Variants in PPP2R2B observed in about 807,000 individuals in gnomAD.
PPP2R2B encodes protein phosphatase 2 regulatory subunit Bbeta.
PPP2R2B carries 5 observed loss-of-function variants against 46.0 expected under a neutral mutation model. That is an observed-to-expected ratio of 0.11 (90% CI 0.06 to 0.23). PPP2R2B has a LOEUF of 0.23. PPP2R2B is among the 10% of genes least tolerant of loss of function. The pLI, the probability that PPP2R2B is intolerant of heterozygous loss-of-function variation, is 1.00. For missense variants in PPP2R2B, 367 were observed against 575.0 expected, an observed-to-expected ratio of 0.64 and a Z score of 3.70; for synonymous variants, 215 against 206.7, an observed-to-expected ratio of 1.04 and a Z score of -0.34.
chr5:146,653,617 G>A (rs1042450359), intron 5 of PPP2R2B, among the ~76,000 whole-genome samples: 2 of 152,100 alleles, frequency 1.3e-5, no homozygotes, highest in African/African-American at 2.4e-5. Flanking sequence ...CTCAGTTACC[G>A]TGCATTGTCT....
intron 2 of PPP2R2B, among the ~76,000 whole-genome samples, chr5:146,768,783 G>A (rs1481314372): frequency 6.6e-6 from 1 of 152,138 alleles, no homozygotes; most frequent in African/African-American, 2.4e-5. Context: ...CCTGTTCCTG[G>A]AGATTTGCTG....
chr5:147,019,069 T>C (rs992493292), intron 1 of PPP2R2B, among the ~76,000 whole-genome samples: 1 of 152,202 alleles, frequency 6.6e-6, no homozygotes, highest in Admixed American at 6.6e-5. Context: ...TATTTATGAC[T>C]ACCCGAAGTG....
intron 1 of PPP2R2B, among the ~76,000 whole-genome samples, chr5:146,975,489 G>A (rs1460847972): frequency 4.6e-5 from 7 of 152,088 alleles, no homozygotes; most frequent in Admixed American, 4.6e-4. Context: ...ATGTCTTTGA[G>A]ATCTTGCTTT....
At chr5:147,068,344 C>G (rs1043301230) in intron 2 of PPP2R2B, among the ~76,000 whole-genome samples, 31 of 152,132 alleles carry the variant, frequency 2.0e-4, no homozygotes, top group African/African-American at 5.5e-4. Context: ...CAAAGTGACA[C>G]AGAAAGTCGT....
chr5:146,722,262 T>C (rs910780897), intron 2 of PPP2R2B, among the ~76,000 whole-genome samples: 4 of 152,214 alleles, frequency 2.6e-5, no homozygotes, highest in South Asian at 2.1e-4. Context: ...TTACGCCATA[T>C]GCAGTGGATG....
At chr5:146,918,795 A>T (rs1440338973) in intron 1 of PPP2R2B, among the ~76,000 whole-genome samples, 1 of 152,138 alleles carries the variant, frequency 6.6e-6, no homozygotes, top group African/African-American at 2.4e-5. Context: ...TTAAGACCTT[A>T]CTATTTTTTT....
At chr5:146,752,660 T>G (rs1753626665) in intron 2 of PPP2R2B, among the ~76,000 whole-genome samples, 1 of 152,144 alleles carries the variant, frequency 6.6e-6, no homozygotes, top group Non-Finnish European at 1.5e-5. Context: ...CCCAGGTTTT[T>G]GGGGTGTGTG....
intron 2 of PPP2R2B, among the ~76,000 whole-genome samples, chr5:146,716,346 C>T (rs1780497608): frequency 6.6e-6 from 1 of 152,116 alleles, no homozygotes; most frequent in Non-Finnish European, 1.5e-5. Flanking sequence ...GTTCTATTTT[C>T]CTAACTGAAA....
chr5:146,925,614 GTGGA>G (rs1763757262), intron 1 of PPP2R2B, among the ~76,000 whole-genome samples: 2 of 152,156 alleles, frequency 1.3e-5, no homozygotes, highest in African/African-American at 4.8e-5. Context: ...GTGTTCAAGT[GTGGA>G]TCTATTTGTA....
At chr5:146,888,473 T>G (rs970529573) in intron 1 of PPP2R2B, among the ~76,000 whole-genome samples, 2 of 152,118 alleles carry the variant, frequency 1.3e-5, no homozygotes, top group African/African-American at 4.8e-5. Context: ...CATGATTATA[T>G]CAATAGATTC....
At chr5:147,023,560 C>T (rs531529772) in intron 1 of PPP2R2B, among the ~76,000 whole-genome samples, 1 of 152,176 alleles carries the variant, frequency 6.6e-6, no homozygotes, top group East Asian at 1.9e-4. Flanking sequence ...AAACAATAAT[C>T]ATAAGAGGGA....
intron 1 of PPP2R2B, among the ~76,000 whole-genome samples, chr5:147,036,270 G>T (rs1433152954): frequency 6.6e-6 from 1 of 152,084 alleles, no homozygotes; most frequent in South Asian, 2.1e-4. Context: ...GCAGTATTTG[G>T]TTTTCTGTTC....
chr5:147,033,479 G>A (rs905727240), intron 1 of PPP2R2B, among the ~76,000 whole-genome samples: 1 of 152,156 alleles, frequency 6.6e-6, no homozygotes, highest in African/African-American at 2.4e-5. Context: ...CATAGTAACA[G>A]ATATGAATGA....
Position 146,585,915 on chromosome 5 carries a change from T to G in PPP2R2B, c.*4032A>C, listed in dbSNP as rs549216307. 7.2e-5 allele frequency: 11 copies of G among 152,186 alleles called. No individual in the cohort carries two copies. The highest frequency in any genetic ancestry group is 1.5e-4 in the Non-Finnish European group (10 of 68,048). The allele number at this position is 152,186 out of a possible 1,614,324, so 9.4% of individuals were successfully genotyped here. ...GACTGAGTGGGTAGCTTAAGTTCCA[T>G]GGTTACCAGGAGCAGGACCCACGTT... On this transcript the variant is annotated 3_prime_UTR_variant, in exon 10 of 10. Transcript: ENST00000394411.
At chr5:146,636,846 A>C (rs1035701437) in intron 7 of PPP2R2B, among the ~76,000 whole-genome samples, 1 of 152,122 alleles carries the variant, frequency 6.6e-6, no homozygotes, top group Admixed American at 6.6e-5. Flanking sequence ...CACCCTTCAA[A>C]TGTTCCATTA....
chr5:146,743,493 A>G (rs536308023), intron 2 of PPP2R2B, among the ~76,000 whole-genome samples: 1 of 152,226 alleles, frequency 6.6e-6, no homozygotes, highest in East Asian at 1.9e-4. Flanking sequence ...CCTAATGAGA[A>G]GGAATTGGGA....
At chr5:146,795,595 C>T (rs762103118) in intron 2 of PPP2R2B, among the ~76,000 whole-genome samples, 3 of 152,082 alleles carry the variant, frequency 2.0e-5, no homozygotes, top group Non-Finnish European at 4.4e-5. Flanking sequence ...ATGGTGACTA[C>T]AGTTAGTAAT....
intron 1 of PPP2R2B, among the ~76,000 whole-genome samples, chr5:146,947,869 C>T (rs757141070): frequency 6.6e-6 from 1 of 151,576 alleles, no homozygotes; most frequent in Non-Finnish European, 1.5e-5. Context: ...AATGCCCTTG[C>T]GTTCTCTTCT....
At chr5:146,700,489 G>T (rs187034055) in intron 3 of PPP2R2B, among the ~76,000 whole-genome samples, 1 of 152,240 alleles carries the variant, frequency 6.6e-6, no homozygotes, top group African/African-American at 2.4e-5. Flanking sequence ...GGTCCTATAT[G>T]TAGCACTCAG....
Sources: gnomAD v4.1 joint callset for allele counts (sites outside exome capture counted in the v4.1 genomes callset) on GRCh38, gnomAD v4.1.1 for gene constraint, MANE v1.5 for transcripts, NCBI Gene and HGNC (gene_info 2026-07-23, HGNC 2026-07-21) for gene names.